Variants in PIGN observed in about 807,000 individuals in gnomAD.
The protein encoded by PIGN is phosphatidylinositol glycan anchor biosynthesis class N, also known as GPI ethanolamine phosphate transferase 1.
PIGN carries 117 observed loss-of-function variants against 125.4 expected under a neutral mutation model. The observed-to-expected ratio is 0.93, with a 90% CI of 0.80 to 1.09. The LOEUF (loss-of-function observed/expected upper bound fraction) is 1.09, where lower values mean the gene tolerates loss of function less well. Among genes scored for constraint, PIGN ranks in the 50% least tolerant of loss-of-function variants. The pLI, the probability that PIGN is intolerant of heterozygous loss-of-function variation, is 0.00. For synonymous variants in PIGN, 392 were observed against 377.8 expected, an observed-to-expected ratio of 1.04 and a Z score of -0.44; for missense variants, 1,075 against 1,094.9, an observed-to-expected ratio of 0.98 and a Z score of 0.26.
In PIGN at chr18:62,041,505, T is replaced by C. The variant is rs1349523732; in HGVS notation, c.*4351A>G. 6.6e-6 allele frequency: 1 copy of C among 152,322 alleles called. No homozygotes were observed. The highest frequency in any genetic ancestry group is 1.9e-4 in the East Asian group (1 of 5,184). 9.4% of individuals were successfully genotyped at this position (152,322 alleles called of 1,614,324 possible). A position where few individuals can be genotyped will look rare whatever the true frequency, so the allele number is the denominator to read the frequency against. ...CAAAATTATATGGAGACATTTCTTT[T>C]TGAGGCAGAGTCTCACTTTGTCGCC... is the stretch of plus-strand genomic sequence containing the variant. On this transcript the variant is annotated 3_prime_UTR_variant, in exon 31 of 31. Coordinates refer to ENST00000640252, the MANE Select transcript of PIGN (RefSeq NM_176787.5).
intron 21 of PIGN, among the ~76,000 whole-genome samples, chr18:62,102,139 A>C (rs2034468838): frequency 6.6e-6 from 1 of 151,746 alleles, no homozygotes; most frequent in African/African-American, 2.4e-5. Flanking sequence ...AGGCAGGAGA[A>C]TCACTTGAAC....
At chr18:62,119,193 G>A (rs1382001503) in intron 14 of PIGN, among the ~76,000 whole-genome samples, 2 of 151,954 alleles carry the variant, frequency 1.3e-5, no homozygotes, top group Non-Finnish European at 2.9e-5. Context: ...AAACCTCTCT[G>A]GAGAAAAATG....
chr18:62,052,096 T>C (rs1350869618), intron 30 of PIGN: 1 of 152,214 alleles, frequency 6.6e-6, no homozygotes, highest in Non-Finnish European at 1.5e-5. Flanking sequence ...TTCTTTTACA[T>C]TTGTTGAGGA....
At chr18:62,048,846 T>A (rs1336633765) in intron 30 of PIGN, among the ~76,000 whole-genome samples, 3 of 121,732 alleles carry the variant, frequency 2.5e-5, no homozygotes. Flanking sequence ...ATGCTATCCC[T>A]CCCCCCTCCC....
rs80033792 is a variant in PIGN at position 62,057,816 on chromosome 18, T to C, written c.2673-11837A>G. Among the ~76,000 whole-genome samples, 1,482 of 152,288 alleles carry C rather than the reference T, an allele frequency of 9.7e-3. 47 individuals carry two copies. Among genetic ancestry groups the C allele is most frequent in the East Asian group, 0.069 (358 of 5,190 alleles). On this transcript the variant is annotated intron_variant, in intron 30 of 30. Coordinates refer to ENST00000640252, the MANE Select transcript of PIGN (RefSeq NM_176787.5). Reference sequence around the variant, plus strand: ...CTGTACAGAGCACCCTTGACACAAGTAACTCCATCTCAGAAAAAGACTCCA... The same window carrying C: ...CTGTACAGAGCACCCTTGACACAAGCAACTCCATCTCAGAAAAAGACTCCA...
chr18:62,105,115 A>G (rs2034585361), intron 20 of PIGN: 1 of 152,522 alleles, frequency 6.6e-6, no homozygotes, highest in African/African-American at 2.4e-5. Context: ...TTAGAATAGC[A>G]GAAAATTTAA....
chr18:62,105,318 A>C, intron 20 of PIGN: 1 of 311,296 alleles, frequency 3.2e-6, no homozygotes. Flanking sequence ...TTAAGTTATC[A>C]GTGGCACAAT....
intron 30 of PIGN, among the ~76,000 whole-genome samples, chr18:62,065,179 CCTTTCT>C (rs1568134158): frequency 2.0e-5 from 3 of 152,146 alleles, no homozygotes; most frequent in African/African-American, 7.2e-5. Flanking sequence ...TTCCTTCCTT[CCTTTCT>C]CTTTCTCTTT....
At chr18:62,020,289 C>T (rs187486388) in intron 23 of PIGN, among the ~76,000 whole-genome samples, 2 of 152,288 alleles carry the variant, frequency 1.3e-5, no homozygotes, top group East Asian at 1.9e-4. Context: ...TGTAAGGAAA[C>T]GAACTGCCGG....
At chr18:62,138,362 A>T (rs2036011396) in intron 13 of PIGN, 64 bp from the exon 14 acceptor site, 2 of 1,496,526 alleles carry the variant, frequency 1.3e-6, no homozygotes, top group Non-Finnish European at 1.8e-6. Context: ...TGAAATATAA[A>T]CATCCATTAA....
intron 23 of PIGN, among the ~76,000 whole-genome samples, chr18:62,027,921 A>G (rs866777190): frequency 6.6e-6 from 1 of 152,100 alleles, no homozygotes; most frequent in African/African-American, 2.4e-5. Context: ...AAAAAAGAAA[A>G]AAAGAAAGAA....
At chr18:62,121,132 C>A (rs927586768) in intron 14 of PIGN, among the ~76,000 whole-genome samples, 9 of 152,124 alleles carry the variant, frequency 5.9e-5, no homozygotes, top group African/African-American at 2.2e-4. Context: ...TTGCCAATGA[C>A]ACACTAGAAT....
At chr18:62,051,875 G>A (rs1311578700) in intron 30 of PIGN, 1 of 152,006 alleles carries the variant, frequency 6.6e-6, no homozygotes, top group African/African-American at 2.4e-5. Flanking sequence ...TGCTTTGAAT[G>A]TGTCCCAGAG....
At chr18:62,114,314 A>AT (rs2035002467) in intron 15 of PIGN, among the ~76,000 whole-genome samples, 1 of 150,970 alleles carries the variant, frequency 6.6e-6, no homozygotes, top group African/African-American at 2.4e-5. Flanking sequence ...GTGAGCTGAG[A>AT]TTGTGCCACT....
chr18:62,090,917 C>T (rs1211916469), intron 23 of PIGN, among the ~76,000 whole-genome samples: 2 of 152,050 alleles, frequency 1.3e-5, no homozygotes, highest in East Asian at 3.9e-4. Flanking sequence ...TATTAACATA[C>T]ATAGAAGAGG....
chr18:62,019,751 C>T (rs2030029508), intron 23 of PIGN, among the ~76,000 whole-genome samples: 1 of 152,208 alleles, frequency 6.6e-6, no homozygotes, highest in Middle Eastern at 3.2e-3. Flanking sequence ...TGATACTGGC[C>T]TAGCCCTCCC....
At chr18:62,113,831 T>C (rs948244841) in intron 15 of PIGN, among the ~76,000 whole-genome samples, 1 of 152,154 alleles carries the variant, frequency 6.6e-6, no homozygotes, top group African/African-American at 2.4e-5. Flanking sequence ...CAGAATTCTT[T>C]TCTACTTTAA....
At chr18:62,132,521 A>C (rs764319701) in intron 14 of PIGN, among the ~76,000 whole-genome samples, 20 of 152,176 alleles carry the variant, frequency 1.3e-4, no homozygotes, top group Non-Finnish European at 2.6e-4. Flanking sequence ...TATATTTTCC[A>C]ATTTTATGTA....
chr18:62,096,504 A>C (rs1156767207), intron 22 of PIGN, among the ~76,000 whole-genome samples: 1 of 141,700 alleles, frequency 7.1e-6, no homozygotes, highest in Non-Finnish European at 1.5e-5. Flanking sequence ...TAACTCAAAA[A>C]TGAATTATTT....
Sources: allele counts gnomAD v4.1 joint callset (sites outside exome capture counted in the v4.1 genomes callset), GRCh38; gene constraint gnomAD v4.1.1; transcripts MANE v1.5; gene names NCBI Gene and HGNC (gene_info 2026-07-23, HGNC 2026-07-21).